CSNK1G1: variants seen among roughly 807,000 people sequenced by gnomAD.
CSNK1G1 encodes casein kinase 1 gamma 1, also known as casein kinase I isoform gamma-1.
A neutral mutation model predicts 59.6 loss-of-function variants in CSNK1G1; 22 were observed. The ratio of observed to expected loss-of-function variants is 0.37; its 90% CI spans 0.26 to 0.53. CSNK1G1 has a LOEUF of 0.53. Ranked by LOEUF, CSNK1G1 falls within the 20% of genes least tolerant of loss-of-function variation. CSNK1G1 has a pLI of 0.89. For missense variants in CSNK1G1, 384 were observed against 519.5 expected (o/e 0.74, Z 2.54); for synonymous variants, 179 against 177.1 (o/e 1.01, Z -0.08).
chr15:64,266,094 C>T (rs941777830), intron 2 of CSNK1G1, among the ~76,000 whole-genome samples: 3 of 151,490 alleles, frequency 2.0e-5, no homozygotes, highest in Non-Finnish European at 4.4e-5. Flanking sequence ...GACAGAGTCT[C>T]GCTCTGTTGC....
At chr15:64,219,154 C>A (rs2082352715) in intron 4 of CSNK1G1, among the ~76,000 whole-genome samples, 1 of 152,064 alleles carries the variant, frequency 6.6e-6, no homozygotes, top group South Asian at 2.1e-4. Flanking sequence ...CACACCAGGC[C>A]CCAAAGAGTC....
intron 2 of CSNK1G1, among the ~76,000 whole-genome samples, chr15:64,268,834 G>C (rs1248911582): frequency 6.6e-6 from 1 of 152,082 alleles, no homozygotes; most frequent in Non-Finnish European, 1.5e-5. Flanking sequence ...ACTGGGATAA[G>C]TGGGTTGGAA....
chr15:64,180,183 C>G (rs1343026551), intron 11 of CSNK1G1, 165 bp downstream of exon 11: 1 of 579,628 alleles, frequency 1.7e-6, no homozygotes, highest in Non-Finnish European at 3.1e-6. Context: ...TAAAGAAGGG[C>G]AGTAGCAGCC....
intron 1 of CSNK1G1, among the ~76,000 whole-genome samples, chr15:64,305,025 T>C (rs1386691546): frequency 6.6e-6 from 1 of 152,166 alleles, no homozygotes; most frequent in Non-Finnish European, 1.5e-5. Context: ...ACAGAAATAA[T>C]AGGGCAAAAC....
chr15:64,267,410 C>T (rs1893048515), intron 2 of CSNK1G1, among the ~76,000 whole-genome samples: 1 of 151,992 alleles, frequency 6.6e-6, no homozygotes, highest in East Asian at 1.9e-4. Flanking sequence ...AATTATTCAT[C>T]TGACAAAGGG....
At position 64,216,583 on chromosome 15, in the gene CSNK1G1, C is replaced by T; in HGVS notation, c.423G>A (p.Val141=). ...LCDRTFTLKT[V]LMIAIQLLSR... is the part of the protein sequence containing the mutation. ...TTACCAGCTGGATGGCTATCATTAA[C>T]ACCGTCTTCAAAGTAAATGTTCGGT... Residue 141 remains valine, a synonymous_variant, in exon 5 of 12, where the codon GTG becomes GTA. Transcript: ENST00000303052. This position sits in a 1 kb window ranked among gnomAD's most constrained non-coding sequence, Gnocchi z 4.6. 6.2e-7 allele frequency: 1 copy of T among 1,613,866 alleles called. No homozygotes were observed. Among genetic ancestry groups the T allele is most frequent in the Non-Finnish European group, 8.5e-7 (1 of 1,179,830 alleles).
intron 1 of CSNK1G1, among the ~76,000 whole-genome samples, chr15:64,340,583 A>G (rs1055656798): frequency 6.6e-6 from 1 of 152,200 alleles, no homozygotes; most frequent in Non-Finnish European, 1.5e-5. Context: ...CTCCCTCAGT[A>G]AAGTCCAGTT....
chr15:64,320,378 T>C (rs1266051844), intron 1 of CSNK1G1, among the ~76,000 whole-genome samples: 8 of 152,062 alleles, frequency 5.3e-5, no homozygotes, highest in East Asian at 1.9e-4. Flanking sequence ...CTGTTGAATT[T>C]TGCCATATAA....
At chr15:64,300,071 T>C (rs77404765) in intron 2 of CSNK1G1, among the ~76,000 whole-genome samples, 2,314 of 152,278 alleles carry the variant, frequency 0.015, 24 homozygotes, top group Middle Eastern at 0.031. Flanking sequence ...TGCAACTCTA[T>C]GTTCATCAGA....
intron 9 of CSNK1G1, 122 bp downstream of exon 9, chr15:64,204,319 G>A (rs536278871): frequency 2.0e-5 from 17 of 835,354 alleles, no homozygotes; most frequent in African/African-American, 1.1e-4. Context: ...TACAGTCTAC[G>A]ATCAAAGGAA....
At chr15:64,303,432 T>C (rs548271715) in intron 1 of CSNK1G1, among the ~76,000 whole-genome samples, 1 of 151,420 alleles carries the variant, frequency 6.6e-6, no homozygotes, top group South Asian at 2.1e-4. Flanking sequence ...CTGGGCAACA[T>C]ACGGAGACCC....
At chr15:64,172,497 GAAGGATT>G (rs1395501719) in intron 11 of CSNK1G1, among the ~76,000 whole-genome samples, 1 of 152,176 alleles carries the variant, frequency 6.6e-6, no homozygotes, top group Non-Finnish European at 1.5e-5. Context: ...TGTTACCAAT[GAAGGATT>G]AAGGATTCTC....
chr15:64,285,267 G>A (rs1894347195), intron 2 of CSNK1G1, among the ~76,000 whole-genome samples: 1 of 152,014 alleles, frequency 6.6e-6, no homozygotes, highest in Admixed American at 6.5e-5. Context: ...TAATAAAAAA[G>A]CCGAATCCCA....
At chr15:64,251,405 G>T (rs1892074756) in intron 4 of CSNK1G1, 107 bp downstream of exon 4, 2 of 712,776 alleles carry the variant, frequency 2.8e-6, no homozygotes, top group Non-Finnish European at 4.9e-6. Context: ...AAGCAGGGGA[G>T]ATAGATGGTT....
chr15:64,260,915 G>C (rs950689625), intron 2 of CSNK1G1, among the ~76,000 whole-genome samples: 2 of 152,056 alleles, frequency 1.3e-5, no homozygotes, highest in Non-Finnish European at 2.9e-5. Flanking sequence ...ATTTTTGTCT[G>C]CAAGTAAGAT....
At chr15:64,349,766 C>T (rs1406232638) in intron 1 of CSNK1G1, among the ~76,000 whole-genome samples, 4 of 151,792 alleles carry the variant, frequency 2.6e-5, no homozygotes, top group Admixed American at 6.6e-5. Context: ...AAAAGCCTGC[C>T]GTCAGAATTT....
intron 6 of CSNK1G1, among the ~76,000 whole-genome samples, chr15:64,209,134 C>A (rs1386128650): frequency 6.6e-6 from 1 of 152,148 alleles, no homozygotes; most frequent in African/African-American, 2.4e-5. Context: ...AAGCAATCAA[C>A]CAGCCTTGGC....
At chr15:64,181,613 T>C in intron 10 of CSNK1G1, 1 of 591,716 alleles carries the variant, frequency 1.7e-6, no homozygotes, top group Non-Finnish European at 2.7e-6. Flanking sequence ...AGTGTAGAAA[T>C]TGCCCTAATC....
chr15:64,335,928 A>G (rs887730052), intron 1 of CSNK1G1: 2 of 152,168 alleles, frequency 1.3e-5, no homozygotes, highest in African/African-American at 4.8e-5. Context: ...GCAAGCACAA[A>G]TATTTCCTGT....
Sources: allele counts gnomAD v4.1 joint callset (sites outside exome capture counted in the v4.1 genomes callset), GRCh38; gene constraint gnomAD v4.1.1; non-coding constraint Gnocchi (gnomAD v3.1); transcripts MANE v1.5; gene names NCBI Gene and HGNC (gene_info 2026-07-23, HGNC 2026-07-21).